Variants in FDCSP observed in about 807,000 individuals in gnomAD.
FDCSP encodes the protein follicular dendritic cell secreted protein, also known as follicular dendritic cell secreted peptide.
In FDCSP, 8 loss-of-function variants were observed where a neutral mutation model predicts 8.9. The observed-to-expected ratio is 0.90, with a 90% CI of 0.53 to 1.63. The LOEUF is 1.63. Among genes scored for constraint, FDCSP ranks in the 40% most tolerant of loss-of-function variants. The pLI, the probability that FDCSP is intolerant of heterozygous loss-of-function variation, is 0.00. For synonymous variants in FDCSP, 34 were observed against 34.5 expected (o/e 0.98, Z 0.06); for missense variants, 101 against 103.6 (o/e 0.98, Z 0.11).
intron 1 of FDCSP, among the ~76,000 whole-genome samples, chr4:70,228,738 C>T (rs559599589): frequency 6.6e-6 from 1 of 151,888 alleles, no homozygotes; most frequent in Admixed American, 6.6e-5. Flanking sequence ...TGTACATCTG[C>T]TTCAGAGTTC....
chr4:70,227,477 G>A (rs934163915), intron 1 of FDCSP, among the ~76,000 whole-genome samples: 1 of 151,600 alleles, frequency 6.6e-6, no homozygotes, highest in African/African-American at 2.4e-5. Flanking sequence ...ATCAAAAGGT[G>A]ATAAAATTTC....
At chr4:70,231,087 T>A in intron 1 of FDCSP, 108 bp from the exon 2 acceptor site, 1 of 807,968 alleles carries the variant, frequency 1.2e-6, no homozygotes, top group East Asian at 2.8e-5. Context: ...TGTCAAATAA[T>A]TCGTACTTTA....
Position 70,230,612 on chromosome 4 carries a change from G to C in FDCSP, c.1-583G>C, listed in dbSNP as rs1363007955. The stretch of plus-strand genomic sequence containing the variant: ...TCTATGATCCATGGACTGCAGGATG[G>C]ATTTTGTGTTAGCAGGCAAGAAAAG... On this transcript the variant is annotated intron_variant, in intron 1 of 4. Transcript: ENST00000317987. Among the ~76,000 whole-genome samples, 7 of 151,620 alleles carry C rather than the reference G, an allele frequency of 4.6e-5. No individual in the cohort carries two copies. In the South Asian group the frequency reaches 1.5e-3, roughly 31 times the overall value.
chr4:70,232,885 A>T, intron 2 of FDCSP, 109 bp from the exon 3 acceptor site: 1 of 955,232 alleles, frequency 1.0e-6, no homozygotes. Flanking sequence ...ATTTTAAAAA[A>T]TGGTTATTAT....
chr4:70,227,692 C>A (rs1375340056), intron 1 of FDCSP, among the ~76,000 whole-genome samples: 1 of 151,616 alleles, frequency 6.6e-6, no homozygotes, highest in Non-Finnish European at 1.5e-5. Context: ...AGAGATACTG[C>A]AGGTTCAGTT....
intron 3 of FDCSP, 107 bp downstream of exon 3, chr4:70,233,133 C>G: frequency 1.0e-6 from 1 of 968,608 alleles, no homozygotes; most frequent in South Asian, 1.7e-5. Context: ...TGGAGAGATT[C>G]ATAAAGAGCT....
rs1730079182 is a variant in FDCSP at position 70,231,319 on chromosome 4, G to C, written c.57+68G>C. On this transcript the variant is annotated intron_variant, in intron 2 of 4. Coordinates refer to ENST00000317987, the MANE Select transcript of FDCSP (RefSeq NM_152997.4). The stretch of plus-strand genomic sequence containing the variant: ...ATGTATGGCATATTTATGTCAACCA[G>C]GAACCACATACACAAGGGTGGTCCC... 10 of 1,271,814 alleles carry C rather than the reference G, an allele frequency of 7.9e-6. No homozygotes were observed. In the African/African-American group the frequency reaches 9.1e-5, roughly 12 times the overall value. 78.8% of individuals were successfully genotyped at this position (1,271,814 alleles called of 1,614,324 possible).
Position 70,232,985 on chromosome 4 carries a change from G to C in FDCSP, c.58-9G>C. 1.3e-6 allele frequency: 2 copies of C among 1,588,562 alleles called. No homozygotes were observed. Among genetic ancestry groups the C allele is most frequent in the Non-Finnish European group, 1.7e-6 (2 of 1,169,824 alleles). On this transcript the variant is annotated splice_polypyrimidine_tract_variant and intron_variant, in intron 2 of 4. Coordinates refer to ENST00000317987, the MANE Select transcript of FDCSP (RefSeq NM_152997.4). ...ATGAGTTTAATTAATTTCACTATTT[G>C]ATCTTTAGGTCTCTCAAGACCAGGA...
intron 3 of FDCSP, 42 bp from the exon 4 acceptor site, chr4:70,233,978 G>T (rs776407494): frequency 2.6e-6 from 4 of 1,526,100 alleles, no homozygotes; most frequent in Non-Finnish European, 2.6e-6. Context: ...TCTCTTCTTT[G>T]TAAAAAGTGA....
intron 1 of FDCSP, among the ~76,000 whole-genome samples, chr4:70,229,931 G>C (rs143440515): frequency 1.3e-5 from 2 of 151,614 alleles, no homozygotes; most frequent in African/African-American, 4.8e-5. Flanking sequence ...ATGACACAGA[G>C]ACATGCAGTG....
intron 2 of FDCSP, among the ~76,000 whole-genome samples, chr4:70,232,075 G>A (rs1248453128): frequency 6.6e-6 from 1 of 151,736 alleles, no homozygotes; most frequent in Non-Finnish European, 1.5e-5. Flanking sequence ...AAGTAAAATA[G>A]TTATAGTAAG....
intron 1 of FDCSP, among the ~76,000 whole-genome samples, chr4:70,227,206 T>C (rs1444714685): frequency 6.6e-6 from 1 of 151,782 alleles, no homozygotes; most frequent in African/African-American, 2.4e-5. Flanking sequence ...TATGTGTGTG[T>C]CTGTGAGGAG....
At chr4:70,234,295 A>G in intron 4 of FDCSP, 80 bp downstream of exon 4, 1 of 1,205,250 alleles carries the variant, frequency 8.3e-7, no homozygotes, top group Non-Finnish European at 1.1e-6. Flanking sequence ...AAAAAATGTT[A>G]ACTATGTCCC....
chr4:70,234,179 G>A lies in FDCSP; in HGVS notation c.250G>A (p.Glu84Lys), dbSNP rs144614996. The A allele has an allele frequency of 1.1e-5, 17 of 1,607,420 alleles. No homozygotes were observed. Among genetic ancestry groups the A allele is most frequent in the African/African-American group, 5.4e-5 (4 of 74,500 alleles). The change falls in exon 4 of 5, where the codon GAA becomes AAA. Residue 84 changes from glutamate (E) to lysine (K), a missense_variant. By Grantham distance (56) the Glu-to-Lys change is moderately conservative. Transcript: ENST00000317987. ...ESAPTTPLPS[E>K]K The stretch of plus-strand genomic sequence containing the variant: ...TGCCCCTACAACTCCCCTTCCTAGC[G>A]AAAAGTAAACAAGAAGGAAAAGTCA...
At chr4:70,232,955 T>C (rs1194070165) in intron 2 of FDCSP, 39 bp from the exon 3 acceptor site, 2 of 1,546,220 alleles carry the variant, frequency 1.3e-6, no homozygotes, top group Admixed American at 1.9e-5. Context: ...TGTGTTTTCA[T>C]GAGCATGAGT....
intron 2 of FDCSP, among the ~76,000 whole-genome samples, chr4:70,232,319 A>G (rs1266814000): frequency 6.6e-6 from 1 of 151,594 alleles, no homozygotes; most frequent in Non-Finnish European, 1.5e-5. Context: ...CATCTTTTAT[A>G]CTGTATTTTT....
At position 70,234,024 on chromosome 4, in the gene FDCSP, G is replaced by A; in HGVS notation, c.95G>A (p.Ser32Asn). ...TTAACTTCTTTCTTTCAACAGATCA[G>A]TGACAGCGATGAATTAGCTTCAGGG... ...QDQEREKRSI[S>N]DSDELASGFF... The change falls in exon 4 of 5, where the codon AGT (serine) becomes AAT (asparagine). Residue 32 changes from serine (S) to asparagine (N), a missense_variant. Physicochemically the swap from Ser to Asn is conservative, Grantham distance 46. Transcript: ENST00000317987. 1 of 1,604,166 alleles carries A rather than the reference G, an allele frequency of 6.2e-7. No homozygotes were observed. The highest frequency in any genetic ancestry group is 8.5e-7 in the Non-Finnish European group (1 of 1,175,156).
intron 2 of FDCSP, among the ~76,000 whole-genome samples, chr4:70,231,554 G>A (rs2109685515): frequency 6.6e-6 from 1 of 151,768 alleles, no homozygotes; most frequent in Non-Finnish European, 1.5e-5. Flanking sequence ...CATTAGTCAT[G>A]TGTTCATGTG....
In FDCSP at chr4:70,233,013, G is replaced by A. The variant is rs200218888; in HGVS notation, c.77G>A (p.Arg26Gln). The A allele has an allele frequency of 1.4e-4, 227 of 1,592,898 alleles. No individual in the cohort carries two copies. Among genetic ancestry groups the A allele is most frequent in the Non-Finnish European group, 1.5e-4 (180 of 1,172,266 alleles). ...CTTTAGGTCTCTCAAGACCAGGAAC[G>A]AGAAAAAAGAAGTGTAAGTTACCTT... is the stretch of plus-strand genomic sequence containing the variant. ...VGFPVSQDQE[R>Q]EKRSISDSDE... Residue 26 changes from arginine (R) to glutamine (Q), a missense_variant, in exon 3 of 5, where the codon CGA becomes CAA. Transcript: ENST00000317987.
Sources: allele counts gnomAD v4.1 joint callset (sites outside exome capture counted in the v4.1 genomes callset), GRCh38; gene constraint gnomAD v4.1.1; transcripts MANE v1.5; gene names NCBI Gene and HGNC (gene_info 2026-07-23, HGNC 2026-07-21).